SCUBE1: variants seen among roughly 807,000 people sequenced by gnomAD.
SCUBE1 encodes signal peptide, CUB and EGF-like domain-containing protein 1.
Under a neutral mutation model 124.4 loss-of-function variants are expected in SCUBE1, and 59 were observed. The observed-to-expected ratio is 0.47, with a 90% CI of 0.38 to 0.59. SCUBE1 has a LOEUF of 0.59. SCUBE1 is among the 20% of genes least tolerant of loss of function. The pLI is 0.00. For synonymous variants in SCUBE1, 545 were observed against 550.9 expected (o/e 0.99, Z 0.15); for missense variants, 1,150 against 1,371.2 (o/e 0.84, Z 2.55).
rs142477630 is a variant in SCUBE1, at chr22:43,198,438, C to G, written c.*5559G>C. On this transcript the variant is annotated 3_prime_UTR_variant, in exon 22 of 22. Coordinates refer to ENST00000360835, the MANE Select transcript of SCUBE1 (RefSeq NM_173050.5). ...TTTCCAAGAGCAAGGCAGGTGGGAT[C>G]AGGCCAACCCCAGCTCTGCCTGCCC... The G allele has an allele frequency of 7.3e-6, 3 of 408,446 alleles. No individual in the cohort carries two copies. The highest frequency in any genetic ancestry group is 1.5e-5 in the Non-Finnish European group (3 of 200,790). The allele number at this position is 408,446 out of a possible 1,614,324, so 25.3% of individuals were successfully genotyped here. A position where few individuals can be genotyped will look rare whatever the true frequency, so the allele number is the denominator to read the frequency against.
intron 3 of SCUBE1, among the ~76,000 whole-genome samples, chr22:43,316,602 G>A (rs1926355629): frequency 6.6e-6 from 1 of 152,174 alleles, no homozygotes. Flanking sequence ...CCCCACACCT[G>A]CTGCTCCCTG....
chr22:43,296,380 G>A (rs1053952918), intron 3 of SCUBE1, among the ~76,000 whole-genome samples: 2 of 152,228 alleles, frequency 1.3e-5, no homozygotes, highest in Non-Finnish European at 2.9e-5. Context: ...GCGGCTCTAG[G>A]AGGGGTAGGG....
At chr22:43,216,527 C>T (rs1921818420) in intron 15 of SCUBE1, among the ~76,000 whole-genome samples, 2 of 151,956 alleles carry the variant, frequency 1.3e-5, no homozygotes, top group South Asian at 4.2e-4. Context: ...GTGGCGCGCA[C>T]CTGTAGTCCT....
chr22:43,221,162 G>A lies in SCUBE1; in HGVS notation c.1549+11C>T, dbSNP rs145824285. The A allele has an allele frequency of 1.8e-3, 2,891 of 1,599,224 alleles. 17 individuals carry two copies. Among genetic ancestry groups the A allele is most frequent in the Middle Eastern group, 0.014 (80 of 5,918 alleles). On this transcript the variant is annotated intron_variant, in intron 13 of 21. Coordinates refer to ENST00000360835, the MANE Select transcript of SCUBE1 (RefSeq NM_173050.5). ...CGTTGGTGTGGGTTAGGAGCAGGGC[G>A]TCCCACTCACCCAGCAGCGGCTGCC...
chr22:43,339,243 T>C lies in SCUBE1; in HGVS notation c.89-8A>G. On this transcript the variant is annotated splice_region_variant and splice_polypyrimidine_tract_variant and intron_variant, in intron 1 of 21. Transcript: ENST00000360835. ...CATCCACGTCGACTGACCCTGTGGGTAGGGGTGTGGGGGGAATAAGAGGTA... is the reference window on the plus strand; with the variant it reads ...CATCCACGTCGACTGACCCTGTGGGCAGGGGTGTGGGGGGAATAAGAGGTA... The C allele has an allele frequency of 1.9e-6, 3 of 1,612,668 alleles. No homozygotes were observed. Among genetic ancestry groups the C allele is most frequent in the Non-Finnish European group, 2.5e-6 (3 of 1,179,182 alleles).
At chr22:43,302,862 G>A (rs538878199) in intron 3 of SCUBE1, among the ~76,000 whole-genome samples, 7 of 152,226 alleles carry the variant, frequency 4.6e-5, no homozygotes, top group African/African-American at 1.7e-4. Flanking sequence ...ACGCTCCCAC[G>A]GGACGCTTAA....
At chr22:43,257,221 C>T (rs1401212393) in intron 6 of SCUBE1, among the ~76,000 whole-genome samples, 1 of 152,158 alleles carries the variant, frequency 6.6e-6, no homozygotes, top group Non-Finnish European at 1.5e-5. Context: ...ACACCCTGGC[C>T]TCATGGGCTT....
intron 6 of SCUBE1, among the ~76,000 whole-genome samples, chr22:43,248,816 G>A (rs533160983): frequency 6.6e-6 from 1 of 152,162 alleles, no homozygotes; most frequent in Non-Finnish European, 1.5e-5. Flanking sequence ...AGGCTGCAGG[G>A]CCTGCCCTCT....
At chr22:43,209,775 T>C (rs1921461163) in intron 19 of SCUBE1, among the ~76,000 whole-genome samples, 1 of 152,196 alleles carries the variant, frequency 6.6e-6, no homozygotes, top group Admixed American at 6.5e-5. Context: ...TGGCCGGAGT[T>C]GAGACCAGGC....
chr22:43,241,225 G>A (rs1209424917), intron 6 of SCUBE1, among the ~76,000 whole-genome samples: 1 of 152,134 alleles, frequency 6.6e-6, no homozygotes, highest in Admixed American at 6.5e-5. Context: ...GTAAACATCA[G>A]GCTTTGAACA....
In SCUBE1 at chr22:43,319,961, C is replaced by A. The variant is rs983561892; in HGVS notation, c.325G>T (p.Ala109Ser). 5.6e-6 allele frequency: 9 copies of A among 1,613,982 alleles called. No homozygotes were observed. The Admixed American group carries it at 1.5e-4, about 27-fold the overall frequency. The change falls in exon 3 of 22, where the codon GCA becomes TCA. Residue 109 changes from alanine to serine, a missense_variant. Transcript: ENST00000360835. ...CCCAGGCAGTTGTGTCCATCGTGTG[C>A]CAGCATGAAGCCATCAAAGCAGGTA... is the stretch of plus-strand genomic sequence containing the variant. Reference protein sequence around the residue: ...RCTCFDGFMLAHDGHNCLDVD... With the variant: ...RCTCFDGFMLSHDGHNCLDVD...
chr22:43,316,839 G>C (rs1398942383), intron 3 of SCUBE1: 1 of 152,102 alleles, frequency 6.6e-6, no homozygotes, highest in Non-Finnish European at 1.5e-5. Context: ...CCTCTACTTG[G>C]GTATTTATTC....
chr22:43,324,176 G>A (rs1479385123), intron 2 of SCUBE1, among the ~76,000 whole-genome samples: 1 of 152,162 alleles, frequency 6.6e-6, no homozygotes, highest in Non-Finnish European at 1.5e-5. Context: ...ATTATTAACA[G>A]CAGTTATTAA....
At chr22:43,342,807 C>T (rs1332240416) in intron 1 of SCUBE1, among the ~76,000 whole-genome samples, 1 of 151,938 alleles carries the variant, frequency 6.6e-6, no homozygotes, top group Admixed American at 6.5e-5. Context: ...TCCGCCCGCC[C>T]CGCCCCGCGC....
chr22:43,284,265 T>C (rs1318336685), intron 4 of SCUBE1, among the ~76,000 whole-genome samples: 1 of 152,228 alleles, frequency 6.6e-6, no homozygotes, highest in Admixed American at 6.5e-5. Flanking sequence ...ACAAGAATCC[T>C]AAACTGTAGG....
intron 3 of SCUBE1, among the ~76,000 whole-genome samples, chr22:43,308,738 A>G (rs1926066894): frequency 6.6e-6 from 1 of 152,176 alleles, no homozygotes; most frequent in Non-Finnish European, 1.5e-5. Flanking sequence ...TCCAGGCCCC[A>G]TCGGGAGTCC....
chr22:43,260,843 G>C (rs1370433976), intron 5 of SCUBE1, among the ~76,000 whole-genome samples: 1 of 152,218 alleles, frequency 6.6e-6, no homozygotes, highest in African/African-American at 2.4e-5. Flanking sequence ...TGTCCTAGCT[G>C]CTCACAGGGC....
In SCUBE1 at chr22:43,198,799, G is replaced by A; in HGVS notation, c.*5198C>T. 2 of 438,714 alleles carry A rather than the reference G, an allele frequency of 4.6e-6. No homozygotes were observed. The highest frequency in any genetic ancestry group is 3.3e-5 in the South Asian group (2 of 61,442). The allele number at this position is 438,714 out of a possible 1,614,324, so 27.2% of individuals were successfully genotyped here. A position where few individuals can be genotyped will look rare whatever the true frequency, so the allele number is the denominator to read the frequency against. The stretch of plus-strand genomic sequence containing the variant: ...AGGCAAGGTGAGCAGGCTGTCCAGG[G>A]CAGCTTGTCTGCTGTCTGGGGCAGG... On this transcript the variant is annotated 3_prime_UTR_variant, in exon 22 of 22. Coordinates refer to ENST00000360835, the MANE Select transcript of SCUBE1 (RefSeq NM_173050.5).
chr22:43,264,470 G>T (rs572811889), intron 4 of SCUBE1, among the ~76,000 whole-genome samples: 1 of 152,210 alleles, frequency 6.6e-6, no homozygotes, highest in Admixed American at 6.5e-5. Context: ...GCTGGACCGG[G>T]TGGCCAGAGG....
Sources: gnomAD v4.1 joint callset for allele counts (sites outside exome capture counted in the v4.1 genomes callset) on GRCh38, gnomAD v4.1.1 for gene constraint, MANE v1.5 for transcripts, NCBI Gene and HGNC (gene_info 2026-07-23, HGNC 2026-07-21) for gene names.